The following ZNF717 variants were observed in gnomAD, a reference collection of about 807,000 sequenced individuals.
ZNF717 encodes the protein krueppel-like factor X17.
ZNF717 carries 9 observed loss-of-function variants against 13.8 expected under a neutral mutation model. That is an observed-to-expected ratio of 0.65 (90% CI 0.39 to 1.14). The LOEUF is 1.14. Ranked by LOEUF, ZNF717 falls within the 50% of genes most tolerant of loss-of-function variation. The probability of loss-of-function intolerance (pLI) is 0.01; values close to 1 mark genes in which losing one functional copy is unlikely to be tolerated. For synonymous variants in ZNF717, 327 were observed against 364.1 expected (o/e 0.90, Z 1.16); for missense variants, 1,040 against 1,080.7 (o/e 0.96, Z 0.53).
chr3:75,779,354 A>G (rs1380280256), intron 2 of ZNF717, among the ~76,000 whole-genome samples: 11 of 150,110 alleles, frequency 7.3e-5, no homozygotes, highest in Middle Eastern at 3.4e-3. Context: ...ACCCAAAACA[A>G]TGGGAGTGAT....
chr3:75,762,107 GAAAGAA>G (rs895270579), intron 2 of ZNF717, among the ~76,000 whole-genome samples: 8 of 146,354 alleles, frequency 5.5e-5, no homozygotes, highest in South Asian at 4.4e-4. Context: ...AAAAAGAAAA[GAAAGAA>G]AAAGAAAACA....
downstream of ZNF717, among the ~76,000 whole-genome samples, chr3:75,728,710 G>C (rs1370953781): frequency 6.6e-6 from 1 of 152,240 alleles, no homozygotes; most frequent in Non-Finnish European, 1.5e-5. Context: ...TGCCATTATT[G>C]TAAGTTTCCT....
rs1021930539 is a variant in ZNF717, at chr3:75,768,296, G to A, written c.57+15010C>T. Among the ~76,000 whole-genome samples the A allele has an allele frequency of 2.7e-5, 4 of 146,096 alleles. No homozygotes were observed. The East Asian group carries it at 6.1e-4, about 22-fold the overall frequency. ...ACCTGATTCAGTCCTCACTGTGGCT[G>A]AGTGTGTCGGGGGGCAGATGACAGG... On this transcript the variant is annotated intron_variant, in intron 2 of 4. Coordinates refer to ENST00000652011, the MANE Select transcript of ZNF717 (RefSeq NM_001290208.3).
intron 6 of ZNF717, among the ~76,000 whole-genome samples, chr3:75,704,069 A>G (rs1395212457): frequency 1.3e-5 from 2 of 151,366 alleles, no homozygotes; most frequent in Non-Finnish European, 3.0e-5. Flanking sequence ...GGTCATTGTT[A>G]AAACCAATAG....
In ZNF717 at chr3:75,746,981, G is replaced by A. The variant is rs1254126718; in HGVS notation, c.58-5245C>T. 5.9e-5 allele frequency among the ~76,000 whole-genome samples: 9 copies of A among 152,192 alleles called. No homozygotes were observed. The South Asian group carries it at 1.0e-3, about 18-fold the overall frequency. On this transcript the variant is annotated intron_variant, in intron 2 of 4. Coordinates refer to ENST00000652011, the MANE Select transcript of ZNF717 (RefSeq NM_001290208.3). ...GGTATTGACTAGGTTTTCTTCTAGG[G>A]TTTTTATGGTTTTAGGTCTAACATT...
intron 2 of ZNF717, among the ~76,000 whole-genome samples, chr3:75,756,230 A>G (rs1410993200): frequency 6.6e-6 from 1 of 152,284 alleles, no homozygotes; most frequent in African/African-American, 2.4e-5. Context: ...ACACCCGGAT[A>G]AGACAGCAAA....
downstream of ZNF717, among the ~76,000 whole-genome samples, chr3:75,733,879 A>C (rs1938833108): frequency 6.6e-6 from 1 of 151,956 alleles, no homozygotes; most frequent in African/African-American, 2.4e-5. Context: ...GAAAAAAAAA[A>C]AACCATCAAC....
chr3:75,784,201 TTGTGATC>T (rs1295539909), intron 1 of ZNF717, among the ~76,000 whole-genome samples: 1 of 152,180 alleles, frequency 6.6e-6, no homozygotes, highest in Non-Finnish European at 1.5e-5. Flanking sequence ...AAGGCCTCTT[TTGTGATC>T]CAGGCAACAT....
At chr3:75,711,705 C>T (rs1228100305) in intron 5 of ZNF717, among the ~76,000 whole-genome samples, 1 of 152,144 alleles carries the variant, frequency 6.6e-6, no homozygotes, top group Non-Finnish European at 1.5e-5. Flanking sequence ...TGAGCCAAGA[C>T]TGTACCACTG....
At chr3:75,745,587 C>G (rs1941070979) in intron 2 of ZNF717, among the ~76,000 whole-genome samples, 1 of 152,010 alleles carries the variant, frequency 6.6e-6, no homozygotes, top group Admixed American at 6.6e-5. Context: ...CTATCTAACC[C>G]TAAGTATGTA....
intron 2 of ZNF717, among the ~76,000 whole-genome samples, chr3:75,753,580 C>T (rs80122613): frequency 2.7e-5 from 4 of 149,514 alleles, no homozygotes; most frequent in Middle Eastern, 3.5e-3. Flanking sequence ...AACACTGCTG[C>T]GAGTGTCTGA....
At chr3:75,735,622 G>GTGAC (rs1164911666), downstream of ZNF717, among the ~76,000 whole-genome samples, 1 of 138,332 alleles carries the variant, frequency 7.2e-6, no homozygotes, top group Non-Finnish European at 1.5e-5. Context: ...TCCAGCCTGG[G>GTGAC]TGACTGTCTC....
intron 4 of ZNF717, among the ~76,000 whole-genome samples, chr3:75,719,284 C>CAAAAA (rs58182512): frequency 7.4e-6 from 1 of 134,382 alleles, no homozygotes; most frequent in Non-Finnish European, 1.6e-5. Context: ...CACCCTGTCT[C>CAAAAA]AAAAAAAAAA....
intron 1 of ZNF717, 118 bp from the exon 2 acceptor site, chr3:75,783,482 A>G: frequency 1.4e-6 from 1 of 730,530 alleles, no homozygotes; most frequent in Non-Finnish European, 2.2e-6. Flanking sequence ...CTCCTGAAAA[A>G]GAAAAACTTC....
At chr3:75,774,786 A>G (rs1373077544) in intron 2 of ZNF717, among the ~76,000 whole-genome samples, 1 of 151,568 alleles carries the variant, frequency 6.6e-6, no homozygotes, top group East Asian at 1.9e-4. Context: ...ACGCCTGGCT[A>G]ATTTTTGTAT....
downstream of ZNF717, among the ~76,000 whole-genome samples, chr3:75,729,664 T>C (rs1938404315): frequency 6.7e-6 from 1 of 148,504 alleles, no homozygotes; most frequent in Admixed American, 6.7e-5. Context: ...TACATTGCTA[T>C]GATGAATTTT....
chr3:75,731,995 A>T (rs960682633), downstream of ZNF717: 6 of 694,880 alleles, frequency 8.6e-6, no homozygotes, highest in Admixed American at 8.3e-5. Context: ...CCATATGGAC[A>T]ACTCAAGGAG....
In ZNF717 at chr3:75,741,355, G is replaced by A. The variant is rs1212783413; in HGVS notation, c.198C>T (p.Thr66=). 1.3e-6 allele frequency: 2 copies of A among 1,540,326 alleles called. No individual in the cohort carries two copies. The change falls in exon 4 of 5, where the codon ACC becomes ACT. Residue 66 remains threonine (T), a synonymous_variant. Coordinates refer to ENST00000652011, the MANE Select transcript of ZNF717 (RefSeq NM_001290208.3). ...CTAGCTTGAAGATCATCTCAGGTTT[G>A]GTAATGTAATGCCCTGGTAATGAGA... ...SSLVSLGHYI[T]KPEMIFKLEQ...
chr3:75,733,778 C>CAAAAAAAAAAAAA (rs56196464), downstream of ZNF717, among the ~76,000 whole-genome samples: 61 of 26,638 alleles, frequency 2.3e-3, 6 homozygotes, highest in African/African-American at 9.9e-3. Context: ...GACTCTATCT[C>CAAAAAAAAAAAAA]AAAAAAAAAA....
Sources: gnomAD v4.1 joint callset for allele counts (sites outside exome capture counted in the v4.1 genomes callset) on GRCh38, gnomAD v4.1.1 for gene constraint, MANE v1.5 for transcripts, NCBI Gene and HGNC (gene_info 2026-07-23, HGNC 2026-07-21) for gene names.